CLEC16A: variants seen among roughly 807,000 people sequenced by gnomAD.
CLEC16A encodes the protein C-type lectin domain containing 16A.
In CLEC16A, 51 loss-of-function variants were observed where a neutral mutation model predicts 109.5. That is an observed-to-expected ratio of 0.47 (90% CI 0.37 to 0.59). CLEC16A has a LOEUF of 0.59. Ranked by LOEUF, CLEC16A falls within the 20% of genes least tolerant of loss-of-function variation. The probability of loss-of-function intolerance (pLI) is 0.00; values close to 1 mark genes in which losing one functional copy is unlikely to be tolerated. For missense variants in CLEC16A, 1,339 were observed against 1,394.0 expected, an observed-to-expected ratio of 0.96 and a Z score of 0.63; for synonymous variants, 673 against 564.2, an observed-to-expected ratio of 1.19 and a Z score of -2.73.
chr16:11,007,876 T>C (rs1458039914), intron 11 of CLEC16A, among the ~76,000 whole-genome samples: 2 of 152,030 alleles, frequency 1.3e-5, no homozygotes, highest in Admixed American at 6.6e-5. Context: ...GGCGCTGCAG[T>C]AGAGAGATGT....
chr16:11,068,397 A>G (rs1305001320), intron 19 of CLEC16A, among the ~76,000 whole-genome samples: 1 of 151,884 alleles, frequency 6.6e-6, no homozygotes, highest in African/African-American at 2.4e-5. Flanking sequence ...CACCTTGAAT[A>G]TGAGACAGTG....
intron 13 of CLEC16A, among the ~76,000 whole-genome samples, chr16:11,034,324 C>T (rs1333559097): frequency 6.6e-6 from 1 of 152,214 alleles, no homozygotes; most frequent in Admixed American, 6.5e-5. Context: ...GTGTGGTCAA[C>T]AGACGTTTTT....
intron 14 of CLEC16A, chr16:11,041,703 G>C (rs891185047): frequency 3.3e-5 from 5 of 152,822 alleles, no homozygotes; most frequent in Non-Finnish European, 5.8e-5. Flanking sequence ...GCGTCACCAC[G>C]GTCCTCTGCT....
intron 10 of CLEC16A, among the ~76,000 whole-genome samples, chr16:10,990,948 A>G (rs1354724772): frequency 1.3e-5 from 2 of 152,162 alleles, no homozygotes; most frequent in African/African-American, 4.8e-5. Context: ...AGTTACCTGA[A>G]GCCAGGTCAG....
At chr16:10,952,111 C>A (rs79418584) in intron 1 of CLEC16A, among the ~76,000 whole-genome samples, 5 of 152,358 alleles carry the variant, frequency 3.3e-5, no homozygotes, top group Non-Finnish European at 5.9e-5. Context: ...CAGCAGTCAT[C>A]TCTAGGCACC....
chr16:10,972,753 A>T (rs534192504), intron 6 of CLEC16A, among the ~76,000 whole-genome samples, 185 bp from the exon 7 acceptor site: 70 of 152,288 alleles, frequency 4.6e-4, no homozygotes, highest in African/African-American at 1.6e-3. Context: ...TGCCTTGATG[A>T]CTATAGTTTT....
intron 22 of CLEC16A, chr16:11,126,475 C>T: frequency 1.1e-5 from 12 of 1,137,060 alleles, no homozygotes; most frequent in Non-Finnish European, 1.4e-5. Context: ...GAGTAATTTC[C>T]TTCTCCATGT....
intron 19 of CLEC16A, among the ~76,000 whole-genome samples, chr16:11,116,141 G>A (rs2051970911): frequency 6.6e-6 from 1 of 152,092 alleles, no homozygotes; most frequent in Non-Finnish European, 1.5e-5. Context: ...TCTAATCCCA[G>A]CACTTTGGGA....
chr16:11,109,248 C>G (rs1316086643), intron 19 of CLEC16A, among the ~76,000 whole-genome samples: 1 of 151,518 alleles, frequency 6.6e-6, no homozygotes, highest in African/African-American at 2.4e-5. Flanking sequence ...CCAGTGCAAC[C>G]TGGAACTCCA....
chr16:11,035,957 T>G (rs1219291805), intron 13 of CLEC16A: 1 of 152,200 alleles, frequency 6.6e-6, no homozygotes, highest in Non-Finnish European at 1.5e-5. Context: ...AGAAGGAGCT[T>G]TGGGGAAAGA....
intron 12 of CLEC16A, among the ~76,000 whole-genome samples, chr16:11,021,403 G>A (rs2046089806): frequency 1.3e-5 from 2 of 152,156 alleles, no homozygotes; most frequent in South Asian, 2.1e-4. Context: ...AGACGGTTGG[G>A]GACAACCTTG....
intron 11 of CLEC16A, among the ~76,000 whole-genome samples, chr16:11,014,736 A>T (rs1490880420): frequency 6.6e-6 from 1 of 152,192 alleles, no homozygotes; most frequent in Non-Finnish European, 1.5e-5. Flanking sequence ...GGAACTCTGT[A>T]TCCACATAGC....
chr16:11,011,716 C>T (rs1280599707), intron 11 of CLEC16A, among the ~76,000 whole-genome samples: 4 of 152,126 alleles, frequency 2.6e-5, no homozygotes, highest in Non-Finnish European at 4.4e-5. Context: ...TGTACATATA[C>T]AAAGTGTACA....
Position 11,123,926 on chromosome 16 carries a change from T to C in CLEC16A, c.2453T>C (p.Met818Thr). The change falls in exon 21 of 24, where the codon ATG (methionine) becomes ACG (threonine). Residue 818 changes from methionine (M) to threonine (T), a missense_variant. Coordinates refer to ENST00000409790, the MANE Select transcript of CLEC16A (RefSeq NM_015226.3). Reference sequence around the variant, plus strand: ...AAAGGCCGCATCCAGGCAAGGCGCATGAAGATGCAGAGAATAGCTGGTGAG... The same window carrying C: ...AAAGGCCGCATCCAGGCAAGGCGCACGAAGATGCAGAGAATAGCTGGTGAG... ...LAKGRIQARR[M>T]KMQRIAALLD... The C allele has an allele frequency of 6.2e-7, 1 of 1,611,894 alleles. No homozygotes were observed. The highest frequency in any genetic ancestry group is 8.5e-7 in the Non-Finnish European group (1 of 1,179,056).
intron 3 of CLEC16A, among the ~76,000 whole-genome samples, chr16:10,966,202 G>T (rs2042495994): frequency 6.6e-6 from 1 of 152,104 alleles, no homozygotes; most frequent in African/African-American, 2.4e-5. Flanking sequence ...TAGCAAAAAA[G>T]AAAAGAAAAA....
At chr16:10,971,028 C>G (rs75331249) in intron 4 of CLEC16A, 97 bp from the exon 5 acceptor site, 844 of 384,678 alleles carry the variant, frequency 2.2e-3, no homozygotes, top group East Asian at 4.0e-3. Context: ...TTTTTTTTGT[C>G]TTTTTCTGAA....
At chr16:10,949,674 G>C (rs1355110257) in intron 1 of CLEC16A, among the ~76,000 whole-genome samples, 1 of 152,244 alleles carries the variant, frequency 6.6e-6, no homozygotes, top group Non-Finnish European at 1.5e-5. Flanking sequence ...AGTGAGAACA[G>C]TAGGGAGCCA....
chr16:11,119,478 C>T (rs767214571), intron 19 of CLEC16A, among the ~76,000 whole-genome samples: 2 of 152,122 alleles, frequency 1.3e-5, no homozygotes, highest in Non-Finnish European at 2.9e-5. Flanking sequence ...AGCCTTGAAC[C>T]ACCCTGGGCT....
At chr16:10,950,063 A>G (rs1224123581) in intron 1 of CLEC16A, among the ~76,000 whole-genome samples, 1 of 152,208 alleles carries the variant, frequency 6.6e-6, no homozygotes, top group Non-Finnish European at 1.5e-5. Context: ...CACAGTTAAC[A>G]CATTATTATA....
Sources: gnomAD v4.1 joint callset for allele counts (sites outside exome capture counted in the v4.1 genomes callset) on GRCh38, gnomAD v4.1.1 for gene constraint, MANE v1.5 for transcripts, NCBI Gene and HGNC (gene_info 2026-07-23, HGNC 2026-07-21) for gene names.